USP54: variants seen among roughly 807,000 people sequenced by gnomAD.
USP54 encodes the protein ubiquitin specific peptidase 54.
A neutral mutation model predicts 170.5 loss-of-function variants in USP54; 87 were observed. That is an observed-to-expected ratio of 0.51 (90% CI 0.43 to 0.61). USP54 has a LOEUF of 0.61. Among genes scored for constraint, USP54 ranks in the 20% least tolerant of loss-of-function variants. The pLI is 0.00. For missense variants in USP54, 1,786 were observed against 2,047.8 expected (o/e 0.87, Z 2.47); for synonymous variants, 655 against 742.8 (o/e 0.88, Z 1.92).
chr10:73,585,892 G>A (rs1402902036), intron 1 of USP54, among the ~76,000 whole-genome samples: 1 of 152,004 alleles, frequency 6.6e-6, no homozygotes, highest in Non-Finnish European at 1.5e-5. Context: ...GTGGTGGCGC[G>A]TGCCTGTAGT....
rs371740699 is a variant in USP54, at chr10:73,498,953, C to A, written c.4731G>T (p.Lys1577Asn). The change falls in exon 24 of 24, where the codon AAG (lysine) becomes AAT (asparagine). Residue 1577 changes from lysine to asparagine, a missense_variant. By Grantham distance (94) the Lys-to-Asn change is moderately conservative. Around this residue, in one of 3 missense-constraint regions of USP54, gnomAD observed 1,418 missense variants for 1,569.0 expected, o/e 0.90. Transcript: ENST00000687698. ...ACTGAGTGTGAGGAACCTGAAGGCC[C>A]TTGCTTCTTTCTGGTAGTGTGGCAG... ...TYTATLPERS[K>N]GLQVPHTQSW... 16 of 1,613,976 alleles carry A rather than the reference C, an allele frequency of 9.9e-6. 1 individual carries two copies. Among genetic ancestry groups the A allele is most frequent in the Middle Eastern group, 3.3e-4 (2 of 6,084 alleles).
At chr10:73,505,688 G>C (rs2133174389) in intron 20 of USP54, 1 of 257,172 alleles carries the variant, frequency 3.9e-6, no homozygotes, top group African/African-American at 2.3e-5. Flanking sequence ...GGCTAACATG[G>C]TAAAACCCTG....
upstream of USP54, among the ~76,000 whole-genome samples, chr10:73,596,053 G>A (rs1362706815): frequency 1.3e-5 from 2 of 151,570 alleles, no homozygotes; most frequent in East Asian, 3.9e-4. Flanking sequence ...GGAGGTTGCA[G>A]TGAGCTGAGA....
At chr10:73,576,608 A>G (rs779899697) in intron 1 of USP54, among the ~76,000 whole-genome samples, 6 of 152,226 alleles carry the variant, frequency 3.9e-5, no homozygotes, top group Non-Finnish European at 8.8e-5. Context: ...TTCTTGAAGC[A>G]GAAGAAAGTT....
chr10:73,558,782 T>C (rs141129143), intron 4 of USP54, among the ~76,000 whole-genome samples: 22 of 152,204 alleles, frequency 1.4e-4, no homozygotes, highest in Admixed American at 5.2e-4. Flanking sequence ...CCCATACAGT[T>C]GTAAATTTGT....
At position 73,498,852 on chromosome 10, in the gene USP54, T is replaced by C; in HGVS notation, c.4832A>G (p.His1611Arg). Reference sequence around the variant, plus strand: ...ATTCCAAGCTGACCTCAGGGGTACATGAAGACTGCTAGATGGTGGGTACAC... The same window carrying C: ...ATTCCAAGCTGACCTCAGGGGTACACGAAGACTGCTAGATGGTGGGTACAC... Reference protein sequence around the residue: ...HPVYPPSSSLHVPLRSAWNSD... With the variant: ...HPVYPPSSSLRVPLRSAWNSD... The change falls in exon 24 of 24, where the codon CAT (histidine) becomes CGT (arginine). Residue 1611 changes from histidine to arginine, a missense_variant. By Grantham distance (29) the His-to-Arg change is conservative. This residue lies in a region of USP54 where 1,418 missense variants were observed against 1,569.0 expected (regional missense o/e 0.90). Transcript: ENST00000687698. 3.1e-6 allele frequency: 5 copies of C among 1,610,368 alleles called. No individual in the cohort carries two copies. The highest frequency in any genetic ancestry group is 4.2e-6 in the Non-Finnish European group (5 of 1,179,082).
chr10:73,557,499 T>C (rs933985394), intron 4 of USP54, among the ~76,000 whole-genome samples: 7 of 151,226 alleles, frequency 4.6e-5, no homozygotes, highest in Non-Finnish European at 7.4e-5. Context: ...TTTTTTTTTT[T>C]TTTTTGAGAC....
chr10:73,529,364 G>A (rs1173877047), intron 15 of USP54: 4 of 366,882 alleles, frequency 1.1e-5, no homozygotes, highest in African/African-American at 2.1e-5. Context: ...TAATATGTGG[G>A]TAACAAAATA....
At chr10:73,539,729 G>A in intron 9 of USP54, 136 bp from the exon 10 acceptor site, 1 of 999,034 alleles carries the variant, frequency 1.0e-6, no homozygotes. Context: ...ATTTTTGTTA[G>A]TTTAGATTAA....
intron 4 of USP54, among the ~76,000 whole-genome samples, chr10:73,570,150 A>G (rs1309693701): frequency 6.6e-6 from 1 of 152,028 alleles, no homozygotes; most frequent in Admixed American, 6.6e-5. Context: ...TGACTGTGGA[A>G]GCTTACTCAG....
chr10:73,607,712 T>C (rs2079787540), intron 1 of USP54, among the ~76,000 whole-genome samples: 1 of 151,790 alleles, frequency 6.6e-6, no homozygotes, highest in Non-Finnish European at 1.5e-5. Context: ...TGCACTGTAA[T>C]TCCAGCTGCT....
Position 73,513,760 on chromosome 10 carries a change from G to A in USP54, c.4051+2615C>T, listed in dbSNP as rs540174282. 2.6e-5 allele frequency among the ~76,000 whole-genome samples: 4 copies of A among 152,214 alleles called. No homozygotes were observed. In the South Asian group the frequency reaches 8.3e-4, roughly 32 times the overall value. On this transcript the variant is annotated intron_variant, in intron 20 of 23. Transcript: ENST00000687698. The stretch of plus-strand genomic sequence containing the variant: ...TTATCAGTGATTTTTGATACTTTAT[G>A]TATTTTCAAACTACCTGCAATGAAA...
chr10:73,611,524 C>T lies in USP54; in HGVS notation c.-18+14043G>A, dbSNP rs985195709. 2.0e-5 allele frequency: 3 copies of T among 151,760 alleles called. No homozygotes were observed. The Admixed American group carries it at 2.0e-4, about 10-fold the overall frequency. 9.4% of individuals were successfully genotyped at this position (151,760 alleles called of 1,614,324 possible). A position where few individuals can be genotyped will look rare whatever the true frequency, so the allele number is the denominator to read the frequency against. Reference sequence around the variant, plus strand: ...ATAAAAAATAGGCTGGGCGCAGTAGCTCACACCTGTAATCCCAGCACTTTG... The same window carrying T: ...ATAAAAAATAGGCTGGGCGCAGTAGTTCACACCTGTAATCCCAGCACTTTG... On this transcript the variant is annotated intron_variant, in intron 1 of 22. Transcript: ENST00000339859.
In USP54 at chr10:73,512,300, A is replaced by G. The variant is rs552187927; in HGVS notation, c.4051+4075T>C. 4.0e-5 allele frequency among the ~76,000 whole-genome samples: 6 copies of G among 151,714 alleles called. No individual in the cohort carries two copies. In the South Asian group the frequency reaches 1.0e-3, roughly 26 times the overall value. ...ACTACTGACCCGCACCACCACACCC[A>G]GCTAATTTTCTCAGTCTTTGTAGAG... On this transcript the variant is annotated intron_variant, in intron 20 of 23. Transcript: ENST00000687698.
chr10:73,622,210 T>C (rs2081147667), intron 1 of USP54, among the ~76,000 whole-genome samples: 1 of 152,218 alleles, frequency 6.6e-6, no homozygotes, highest in Admixed American at 6.6e-5. Context: ...CAGAGTGTTG[T>C]TATAAGATAA....
At chr10:73,535,019 A>T (rs564136845) in intron 11 of USP54, among the ~76,000 whole-genome samples, 70 of 152,274 alleles carry the variant, frequency 4.6e-4, no homozygotes, top group Middle Eastern at 3.4e-3. Flanking sequence ...CCACTGTGAA[A>T]AACTGTGAGG....
chr10:73,563,787 T>A (rs1466288416), intron 4 of USP54, among the ~76,000 whole-genome samples: 1 of 152,134 alleles, frequency 6.6e-6, no homozygotes, highest in African/African-American at 2.4e-5. Context: ...TGGATACTAA[T>A]CTTTTGTTAC....
intron 4 of USP54, among the ~76,000 whole-genome samples, chr10:73,559,476 C>T (rs1488794526): frequency 1.3e-5 from 2 of 151,368 alleles, no homozygotes; most frequent in Non-Finnish European, 2.9e-5. Context: ...AGGAGAATCA[C>T]TTGAACCTGG....
At chr10:73,519,544 G>A (rs1414454224) in intron 19 of USP54, 5 of 524,636 alleles carry the variant, frequency 9.5e-6, no homozygotes, top group Non-Finnish European at 1.7e-5. Context: ...CAAGTCCAGG[G>A]CTAAAGTTAC....
Sources: allele counts gnomAD v4.1 joint callset (sites outside exome capture counted in the v4.1 genomes callset), GRCh38; gene constraint gnomAD v4.1.1; regional missense constraint gnomAD v4.1.1; transcripts MANE v1.5; gene names NCBI Gene and HGNC (gene_info 2026-07-23, HGNC 2026-07-21).